GLIS3: variants seen among roughly 807,000 people sequenced by gnomAD.
GLIS3 encodes zinc finger protein GLIS3.
GLIS3 carries 53 observed loss-of-function variants against 78.6 expected under a neutral mutation model. The observed-to-expected ratio is 0.67, with a 90% CI of 0.54 to 0.85. The LOEUF (loss-of-function observed/expected upper bound fraction) is 0.85. Ranked by LOEUF, GLIS3 falls within the 40% of genes least tolerant of loss-of-function variation. The probability of loss-of-function intolerance (pLI) is 0.00; values close to 1 mark genes in which losing one functional copy is unlikely to be tolerated. For synonymous variants in GLIS3, 684 were observed against 509.9 expected, an observed-to-expected ratio of 1.34 and a Z score of -4.60; for missense variants, 1,703 against 1,231.1, an observed-to-expected ratio of 1.38 and a Z score of -5.74.
chr9:3,885,414 G>A (rs1035725283), intron 7 of GLIS3, among the ~76,000 whole-genome samples: 5 of 152,184 alleles, frequency 3.3e-5, no homozygotes, highest in African/African-American at 1.2e-4. Context: ...TGGCCATGGT[G>A]CTGCTCCTCA....
At chr9:4,381,355 G>A in the GLIS3 span, among the ~76,000 whole-genome samples, 1,009 of 152,200 alleles carry the variant, frequency 6.6e-3, 13 homozygotes, top group African/African-American at 0.023. Context: ...TTTTTTCACT[G>A]TCTGCCTGGC....
chr9:3,969,555 T>C (rs1209951448), intron 4 of GLIS3, among the ~76,000 whole-genome samples: 1 of 152,212 alleles, frequency 6.6e-6, no homozygotes, highest in African/African-American at 2.4e-5. Flanking sequence ...ATCTCAGGAA[T>C]ATGGACCATG....
chr9:4,057,123 G>A (rs1473061671), intron 4 of GLIS3, among the ~76,000 whole-genome samples: 11 of 152,034 alleles, frequency 7.2e-5, no homozygotes, highest in African/African-American at 2.7e-4. Flanking sequence ...GCTTCATGAA[G>A]CGTCAACAAT....
intron 4 of GLIS3, among the ~76,000 whole-genome samples, chr9:4,111,485 A>T (rs4741892): frequency 0.2 from 29,866 of 152,208 alleles, 3,328 homozygotes; most frequent in Admixed American, 0.28. Context: ...TCTAAAGGGA[A>T]ACCAAATTAA....
chr9:3,830,598 G>A (rs1331201568), intron 9 of GLIS3, among the ~76,000 whole-genome samples: 1 of 152,100 alleles, frequency 6.6e-6, no homozygotes, highest in African/African-American at 2.4e-5. Context: ...CACTATTCTG[G>A]TTTTGATGGA....
intron 2 of GLIS3, among the ~76,000 whole-genome samples, chr9:4,264,611 C>T (rs890993978): frequency 5.3e-5 from 8 of 152,140 alleles, no homozygotes; most frequent in Non-Finnish European, 1.0e-4. Flanking sequence ...TCTGGGAACA[C>T]TCTTCCTTAG....
intron 4 of GLIS3, among the ~76,000 whole-genome samples, chr9:3,976,120 AT>A (rs1818765402): frequency 6.6e-6 from 1 of 152,166 alleles, no homozygotes; most frequent in Non-Finnish European, 1.5e-5. Flanking sequence ...CTTTAAAAAA[AT>A]ATTTTGACAA....
At chr9:3,878,062 C>T (rs1417956754) in intron 8 of GLIS3, among the ~76,000 whole-genome samples, 1 of 152,166 alleles carries the variant, frequency 6.6e-6, no homozygotes, top group Non-Finnish European at 1.5e-5. Context: ...GAGACCGTCC[C>T]TGACGGTGTC....
intron 4 of GLIS3, among the ~76,000 whole-genome samples, chr9:3,945,426 A>G (rs1053999626): frequency 7.9e-5 from 12 of 152,208 alleles, no homozygotes; most frequent in African/African-American, 2.9e-4. Flanking sequence ...CCATGAACAT[A>G]TTGAGTTTCT....
intron 2 of GLIS3, among the ~76,000 whole-genome samples, chr9:4,333,687 G>A (rs1314979887): frequency 1.3e-5 from 2 of 152,020 alleles, no homozygotes; most frequent in South Asian, 2.1e-4. Flanking sequence ...GCTTCCAATG[G>A]GATTTTTGTG....
the GLIS3 span, among the ~76,000 whole-genome samples, chr9:4,449,717 C>T: frequency 6.6e-6 from 1 of 152,296 alleles, no homozygotes; most frequent in Admixed American, 6.5e-5. Context: ...TGGAGTGGAC[C>T]TCTAGCAAAC....
chr9:4,088,066 G>A (rs894060826), intron 4 of GLIS3, among the ~76,000 whole-genome samples: 3 of 152,228 alleles, frequency 2.0e-5, no homozygotes, highest in Non-Finnish European at 4.4e-5. Flanking sequence ...GACAAGGTGT[G>A]AGGATAGCCA....
chr9:4,250,014 C>G (rs909745225), intron 2 of GLIS3, among the ~76,000 whole-genome samples: 1 of 152,062 alleles, frequency 6.6e-6, no homozygotes, highest in African/African-American at 2.4e-5. Flanking sequence ...TGCTGGATTC[C>G]GTTTGCCAGT....
chr9:4,259,497 G>C (rs1202814990), intron 2 of GLIS3, among the ~76,000 whole-genome samples: 1 of 152,056 alleles, frequency 6.6e-6, no homozygotes, highest in Non-Finnish European at 1.5e-5. Flanking sequence ...AGTTTAAGTT[G>C]ACTATATTCT....
At chr9:4,074,490 T>A (rs926964521) in intron 4 of GLIS3, among the ~76,000 whole-genome samples, 4 of 152,198 alleles carry the variant, frequency 2.6e-5, no homozygotes, top group South Asian at 4.1e-4. Context: ...CGGTTCTCCA[T>A]CTCTTCTGTG....
chr9:4,081,827 A>G (rs1013769477), intron 4 of GLIS3, among the ~76,000 whole-genome samples: 2 of 152,218 alleles, frequency 1.3e-5, no homozygotes, highest in African/African-American at 4.8e-5. Flanking sequence ...TATACAAGCA[A>G]TTCTACAATC....
chr9:4,281,239 A>C (rs1235604559), intron 2 of GLIS3, among the ~76,000 whole-genome samples: 2 of 152,194 alleles, frequency 1.3e-5, no homozygotes, highest in Admixed American at 1.3e-4. Flanking sequence ...TTCCACGTTG[A>C]TTTTCACTTA....
intron 4 of GLIS3, among the ~76,000 whole-genome samples, chr9:4,045,564 C>T (rs1825179491): frequency 1.3e-5 from 2 of 151,716 alleles, no homozygotes; most frequent in Non-Finnish European, 2.9e-5. Context: ...GTCTCGAACT[C>T]CTGACCTCGT....
At chr9:3,932,153 CATATCA>C (rs1825660371) in intron 6 of GLIS3, among the ~76,000 whole-genome samples, 1 of 122,002 alleles carries the variant, frequency 8.2e-6, no homozygotes, top group Non-Finnish European at 2.0e-5. Context: ...AAACCATAGC[CATATCA>C]GCTATGCAAA....
Sources: gnomAD v4.1 joint callset for allele counts (sites outside exome capture counted in the v4.1 genomes callset) on GRCh38, gnomAD v4.1.1 for gene constraint, MANE v1.5 for transcripts, NCBI Gene and HGNC (gene_info 2026-07-23, HGNC 2026-07-21) for gene names.